ANO9: variants seen among roughly 807,000 people sequenced by gnomAD.
The protein encoded by ANO9 is anoctamin 9, also known as anoctamin-9.
A neutral mutation model predicts 100.5 loss-of-function variants in ANO9; 80 were observed. That is an observed-to-expected ratio of 0.80 (90% CI 0.66 to 0.96). The LOEUF (loss-of-function observed/expected upper bound fraction) is 0.96, where lower values mean the gene tolerates loss of function less well. Among genes scored for constraint, ANO9 ranks in the 40% least tolerant of loss-of-function variants. The probability of loss-of-function intolerance (pLI) is 0.00; values close to 1 mark genes in which losing one functional copy is unlikely to be tolerated. For missense variants in ANO9, 1,064 were observed against 1,072.7 expected, an observed-to-expected ratio of 0.99 and a Z score of 0.11; for synonymous variants, 473 against 435.6, an observed-to-expected ratio of 1.09 and a Z score of -1.07.
At chr11:419,133 CG>C in intron 20 of ANO9, 144 bp from the exon 21 acceptor site, 1 of 1,471,542 alleles carries the variant, frequency 6.8e-7, no homozygotes, top group Middle Eastern at 2.5e-4. Context: ...ACGGGGCTCC[CG>C]GGCCAAGCAC....
In ANO9 at chr11:418,791, G is replaced by A. The variant is rs925026417; in HGVS notation, c.2059C>T (p.Pro687Ser). ...LCRYRDYRNP[P>S]DYNFSEQFWF... ...AACTGCTCGGAGAAGTTGTAATCGG[G>A]GGGATTGCGGTAGTCCCTGTATCTG... The change falls in exon 22 of 23, where the codon CCC becomes TCC. Residue 687 changes from proline (P) to serine (S), a missense_variant. Pro to Ser is a moderately conservative substitution (Grantham distance 74, BLOSUM62 -1). Coordinates refer to ENST00000332826, the MANE Select transcript of ANO9 (RefSeq NM_001012302.3). 9 of 1,613,210 alleles carry A rather than the reference G, an allele frequency of 5.6e-6. No individual in the cohort carries two copies. Among genetic ancestry groups the A allele is most frequent in the Non-Finnish European group, 7.6e-6 (9 of 1,180,010 alleles).
At chr11:429,945 GGGGCTGGGCCTCCCCGTCA>G in intron 9 of ANO9, 119 bp downstream of exon 9, 1 of 859,444 alleles carries the variant, frequency 1.2e-6, no homozygotes, top group Non-Finnish European at 1.7e-6. Flanking sequence ...CGGGTGGGCT[GGGGCTGGGCCTCCCCGTCA>G]GCCCTGTGGG....
At chr11:439,456 C>G (rs1029283135) in intron 1 of ANO9, among the ~76,000 whole-genome samples, 5 of 150,696 alleles carry the variant, frequency 3.3e-5, no homozygotes, top group Non-Finnish European at 7.4e-5. Flanking sequence ...TGACCCCACC[C>G]TACTCCTGAG....
chr11:429,672 G>T lies in ANO9; in HGVS notation c.833-20C>A. 1 of 1,612,582 alleles carries T rather than the reference G, an allele frequency of 6.2e-7. No homozygotes were observed. Among genetic ancestry groups the T allele is most frequent in the Non-Finnish European group, 8.5e-7 (1 of 1,179,866 alleles). On this transcript the variant is annotated intron_variant, in intron 10 of 22. Transcript: ENST00000332826. Reference sequence around the variant, plus strand: ...CCGTGGCTGCGGCGGGGGCAAGGAGGGGCATCACTGCACTACGCCAGGTGG... The same window carrying T: ...CCGTGGCTGCGGCGGGGGCAAGGAGTGGCATCACTGCACTACGCCAGGTGG...
chr11:435,551 CTAG>C (rs1849425178), intron 1 of ANO9, among the ~76,000 whole-genome samples: 1 of 138,704 alleles, frequency 7.2e-6, no homozygotes, highest in Non-Finnish European at 1.5e-5. Context: ...CTAGTATGGT[CTAG>C]TCTAGTCTAG....
intron 11 of ANO9, 57 bp downstream of exon 11, chr11:429,513 G>A (rs968594104): frequency 8.8e-6 from 14 of 1,598,650 alleles, no homozygotes; most frequent in Middle Eastern, 1.6e-4. Flanking sequence ...GCAGGGCATC[G>A]GGCGCCAACA....
rs780991042 is a variant in ANO9, at chr11:441,939, C to T, written c.-13G>A. ...GACTCACCTGCATGCTGGCTGTGGC[C>T]GGAGTTCCAGCTGGGGTTTGGCGGC... On this transcript the variant is annotated 5_prime_UTR_variant, in exon 1 of 23. Coordinates refer to ENST00000332826, the MANE Select transcript of ANO9 (RefSeq NM_001012302.3). The T allele has an allele frequency of 6.2e-6, 10 of 1,606,914 alleles. No individual in the cohort carries two copies. In the African/African-American group the frequency reaches 9.3e-5, roughly 15 times the overall value.
chr11:435,611 C>T (rs377192552), intron 1 of ANO9, among the ~76,000 whole-genome samples: 1 of 99,454 alleles, frequency 1.0e-5, no homozygotes, highest in Non-Finnish European at 2.2e-5. Flanking sequence ...ATGGTATAGT[C>T]TAGTATAGTC....
At position 419,689 on chromosome 11, in the gene ANO9, C is replaced by T. The variant is rs200408357; in HGVS notation, c.1827G>A (p.Ala609=). Residue 609 remains alanine (A), a synonymous_variant, in exon 20 of 23, where the codon GCG becomes GCA. Transcript: ENST00000332826. The stretch of plus-strand genomic sequence containing the variant: ...CAATGACCATCCCATTGGCAATGAC[C>T]GCCAGCACACCGATGGTCTCCAGCA... ...LQVLETIGVL[A]VIANGMVIAF... The T allele has an allele frequency of 6.8e-6, 11 of 1,613,402 alleles. No individual in the cohort carries two copies. Among genetic ancestry groups the T allele is most frequent in the East Asian group, 4.5e-5 (2 of 44,878 alleles).
rs1478578960 is a variant in ANO9, at chr11:421,421, G to A, written c.1335-223C>T. On this transcript the variant is annotated intron_variant, in intron 15 of 22. Coordinates refer to ENST00000332826, the MANE Select transcript of ANO9 (RefSeq NM_001012302.3). This position sits in a 1 kb window ranked among gnomAD's most constrained non-coding sequence, Gnocchi z 6.8. ...GAGGCCACAGGCTCCCAGATGAACCGCACCCACACGTGGGCGCGCGCACAC... is the reference window on the plus strand; with the variant it reads ...GAGGCCACAGGCTCCCAGATGAACCACACCCACACGTGGGCGCGCGCACAC... 1.7e-5 allele frequency: 7 copies of A among 406,766 alleles called. No individual in the cohort carries two copies. Among genetic ancestry groups the A allele is most frequent in the Admixed American group, 1.4e-4 (3 of 21,866 alleles). 25.2% of individuals were successfully genotyped at this position (406,766 alleles called of 1,614,324 possible). A position where few individuals can be genotyped will look rare whatever the true frequency, so the allele number is the denominator to read the frequency against.
chr11:428,878 G>C (rs748192090), intron 11 of ANO9, 52 bp from the exon 12 acceptor site: 9 of 1,551,462 alleles, frequency 5.8e-6, no homozygotes, highest in African/African-American at 1.4e-5. Flanking sequence ...CCCCACATGT[G>C]GGGAGACAGA....
intron 1 of ANO9, among the ~76,000 whole-genome samples, chr11:434,605 G>A (rs555193553): frequency 5.3e-5 from 8 of 152,288 alleles, no homozygotes; most frequent in East Asian, 1.9e-4. Flanking sequence ...AGGTGCAGAC[G>A]AGGGCACTCG....
Position 418,999 on chromosome 11 carries a change from G to C in ANO9, c.1935-10C>G. On this transcript the variant is annotated splice_polypyrimidine_tract_variant and intron_variant, in intron 20 of 22. Coordinates refer to ENST00000332826, the MANE Select transcript of ANO9 (RefSeq NM_001012302.3). Reference sequence around the variant, plus strand: ...GTAGCCCTTGAGGCAGCTGGGGAGAGGGGAGAGGAGTGTGGGGTGGGGTGG... The same window carrying C: ...GTAGCCCTTGAGGCAGCTGGGGAGACGGGAGAGGAGTGTGGGGTGGGGTGG... 6.2e-7 allele frequency: 1 copy of C among 1,613,070 alleles called. No homozygotes were observed. The highest frequency in any genetic ancestry group is 8.5e-7 in the Non-Finnish European group (1 of 1,179,920).
At position 428,757 on chromosome 11, in the gene ANO9, G is replaced by T. The variant is rs140961109; in HGVS notation, c.985C>A (p.Arg329Ser). The change falls in exon 12 of 23, where the codon CGC (arginine) becomes AGC (serine). Residue 329 changes from arginine (R) to serine (S), a missense_variant. Physicochemically the swap from Arg to Ser is moderately radical, Grantham distance 110 (BLOSUM62 -1). Transcript: ENST00000332826. ...GTCAGGACGAGGATGACGGTGCTGC[G>T]TAGGTAGGAGTGCTGGTATGGCCGG... ...KLRPYQHSYLRSTVILVLTLL... is the reference protein window; with the variant it reads ...KLRPYQHSYLSSTVILVLTLL... The T allele has an allele frequency of 5.0e-6, 8 of 1,613,382 alleles. No homozygotes were observed. Among genetic ancestry groups the T allele is most frequent in the Non-Finnish European group, 6.8e-6 (8 of 1,179,952 alleles).
At chr11:436,032 G>GTGTCTGTT (rs1309226696) in intron 1 of ANO9, among the ~76,000 whole-genome samples, 1 of 146,912 alleles carries the variant, frequency 6.8e-6, no homozygotes, top group Admixed American at 6.8e-5. Context: ...GCTTGACTGG[G>GTGTCTGTT]TGTCTGTTTC....
At chr11:420,387 GC>G in intron 19 of ANO9, 75 bp downstream of exon 19, 1 of 1,554,286 alleles carries the variant, frequency 6.4e-7, no homozygotes, top group Non-Finnish European at 8.6e-7. Flanking sequence ...TTCCAGGTGA[GC>G]CGGCCTGGCC....
intron 15 of ANO9, among the ~76,000 whole-genome samples, chr11:425,700 A>G (rs79308142): frequency 7.2e-6 from 1 of 139,206 alleles, no homozygotes; most frequent in Non-Finnish European, 1.6e-5. Flanking sequence ...GACTTCACCA[A>G]TAGTTTTTTG....
At chr11:433,220 G>A (rs1849161008) in intron 4 of ANO9, 94 bp downstream of exon 4, 13 of 1,497,092 alleles carry the variant, frequency 8.7e-6, no homozygotes, top group South Asian at 2.7e-5. Context: ...CCTTGGCGAC[G>A]CCTGGAGCCT....
At chr11:436,371 T>G (rs1447192398) in intron 1 of ANO9, among the ~76,000 whole-genome samples, 2 of 151,962 alleles carry the variant, frequency 1.3e-5, no homozygotes, top group Admixed American at 6.6e-5. Context: ...CCGGCCCTGT[T>G]TCTTATTTTG....
Sources: gnomAD v4.1 joint callset for allele counts (sites outside exome capture counted in the v4.1 genomes callset) on GRCh38, gnomAD v4.1.1 for gene constraint, Gnocchi (gnomAD v3.1) non-coding constraint, MANE v1.5 for transcripts, NCBI Gene and HGNC (gene_info 2026-07-23, HGNC 2026-07-21) for gene names.